The following TRPC4 variants were observed in gnomAD, a reference collection of about 807,000 sequenced individuals.
The protein encoded by TRPC4 is short transient receptor potential channel 4.
TRPC4 carries 49 observed loss-of-function variants against 99.4 expected under a neutral mutation model. The observed-to-expected ratio is 0.49, with a 90% CI of 0.39 to 0.63. The LOEUF is 0.63. Among genes scored for constraint, TRPC4 ranks in the 20% least tolerant of loss-of-function variants. TRPC4 has a pLI of 0.00. For missense variants in TRPC4, 898 were observed against 1,152.9 expected, an observed-to-expected ratio of 0.78 and a Z score of 3.20; for synonymous variants, 454 against 425.9, an observed-to-expected ratio of 1.07 and a Z score of -0.81.
At chr13:37,705,656 C>T (rs1421854082) in intron 3 of TRPC4, among the ~76,000 whole-genome samples, 2 of 151,716 alleles carry the variant, frequency 1.3e-5, no homozygotes, top group Non-Finnish European at 2.9e-5. Context: ...CTTTGAGTTC[C>T]TCTCCTTCTA....
chr13:37,701,836 C>T (rs527311221), intron 3 of TRPC4, among the ~76,000 whole-genome samples: 2 of 152,294 alleles, frequency 1.3e-5, no homozygotes, highest in Admixed American at 6.5e-5. Context: ...ATGTTTTATA[C>T]ATAAACTATA....
At chr13:37,811,170 A>G (rs1277590943) in intron 1 of TRPC4, among the ~76,000 whole-genome samples, 2 of 152,172 alleles carry the variant, frequency 1.3e-5, no homozygotes, top group Admixed American at 6.6e-5. Flanking sequence ...AGCTAATAAT[A>G]AAATCAAAAC....
intron 1 of TRPC4, among the ~76,000 whole-genome samples, chr13:37,802,092 CT>C (rs1957421410): frequency 6.6e-6 from 1 of 152,060 alleles, no homozygotes; most frequent in East Asian, 1.9e-4. Flanking sequence ...GTTTAAAATA[CT>C]TTCACTGTTT....
At chr13:37,701,835 A>T (rs1169896224) in intron 3 of TRPC4, among the ~76,000 whole-genome samples, 2 of 152,228 alleles carry the variant, frequency 1.3e-5, no homozygotes, top group African/African-American at 2.4e-5. Context: ...AATGTTTTAT[A>T]CATAAACTAT....
intron 3 of TRPC4, among the ~76,000 whole-genome samples, chr13:37,745,452 A>ATGCG (rs1363375768): frequency 3.6e-4 from 1 of 2,776 alleles, no homozygotes; most frequent in African/African-American, 5.8e-4. Context: ...ATATATATAT[A>ATGCG]TATATATATA....
At chr13:37,840,455 G>A (rs1958700706) in intron 1 of TRPC4, among the ~76,000 whole-genome samples, 1 of 151,942 alleles carries the variant, frequency 6.6e-6, no homozygotes, top group Non-Finnish European at 1.5e-5. Context: ...TTATATCAAT[G>A]TCCTGCCAGA....
At chr13:37,839,527 G>A (rs566618711) in intron 1 of TRPC4, among the ~76,000 whole-genome samples, 3 of 151,968 alleles carry the variant, frequency 2.0e-5, no homozygotes, top group South Asian at 2.1e-4. Flanking sequence ...TTAATAATTC[G>A]GTTTCAATAA....
intron 4 of TRPC4, among the ~76,000 whole-genome samples, chr13:37,685,436 TAAC>T (rs1281562867): frequency 6.6e-6 from 1 of 152,166 alleles, no homozygotes; most frequent in African/African-American, 2.4e-5. Flanking sequence ...AATGAGACAT[TAAC>T]ATCATTTATT....
At chr13:37,792,451 C>T (rs1200637190) in intron 1 of TRPC4, among the ~76,000 whole-genome samples, 5 of 152,082 alleles carry the variant, frequency 3.3e-5, no homozygotes, top group Non-Finnish European at 7.3e-5. Context: ...AATGTTATTA[C>T]TACATCAGAA....
intron 2 of TRPC4, among the ~76,000 whole-genome samples, chr13:37,758,371 T>C (rs548612697): frequency 4.4e-4 from 67 of 152,008 alleles, no homozygotes; most frequent in Non-Finnish European, 8.1e-4. Flanking sequence ...TGATATTGTA[T>C]GTGAAACAGA....
At chr13:37,638,982 C>G (rs966617008) in intron 10 of TRPC4, 58 bp downstream of exon 10, 4 of 1,550,664 alleles carry the variant, frequency 2.6e-6, no homozygotes, top group Non-Finnish European at 2.7e-6. Context: ...TAAATGTGCT[C>G]TATCTGGATC....
At chr13:37,750,254 CATTAAGA>C (rs1955897356) in intron 2 of TRPC4, among the ~76,000 whole-genome samples, 4 of 151,960 alleles carry the variant, frequency 2.6e-5, no homozygotes, top group African/African-American at 9.7e-5. Flanking sequence ...AGTCTGGGGC[CATTAAGA>C]ATATTGCTCT....
In TRPC4 at chr13:37,639,151, G is replaced by A. The variant is rs1012242074; in HGVS notation, c.2122-22C>T. On this transcript the variant is annotated intron_variant, in intron 9 of 10. Coordinates refer to ENST00000379705, the MANE Select transcript of TRPC4 (RefSeq NM_016179.4). Reference sequence around the variant, plus strand: ...CTTCCTGAGGCATTTTAGAACAAGAGTATTGATACTCAATGAGTAAATAAA... The same window carrying A: ...CTTCCTGAGGCATTTTAGAACAAGAATATTGATACTCAATGAGTAAATAAA... 3.1e-6 allele frequency: 5 copies of A among 1,613,252 alleles called. No homozygotes were observed. In the African/African-American group the frequency reaches 6.7e-5, roughly 22 times the overall value.
At chr13:37,768,588 C>T (rs1956456835) in intron 2 of TRPC4, among the ~76,000 whole-genome samples, 1 of 151,324 alleles carries the variant, frequency 6.6e-6, no homozygotes, top group Admixed American at 6.6e-5. Context: ...TAGCAATTTA[C>T]AAGTTCTGTA....
At chr13:37,814,985 G>A (rs1957806395) in intron 1 of TRPC4, among the ~76,000 whole-genome samples, 1 of 151,584 alleles carries the variant, frequency 6.6e-6, no homozygotes, top group Non-Finnish European at 1.5e-5. Flanking sequence ...TAGACATAAA[G>A]GTCAATAAAA....
chr13:37,848,493 A>G (rs959038353), intron 1 of TRPC4, among the ~76,000 whole-genome samples: 2 of 152,162 alleles, frequency 1.3e-5, no homozygotes, highest in African/African-American at 4.8e-5. Flanking sequence ...CTTCATTCAT[A>G]ATCATTTTTG....
intron 1 of TRPC4, among the ~76,000 whole-genome samples, chr13:37,852,663 G>C (rs1959088990): frequency 6.6e-6 from 1 of 152,292 alleles, no homozygotes; most frequent in African/African-American, 2.4e-5. Context: ...GCAGGCACTT[G>C]GGGTCCCTGA....
chr13:37,856,571 A>G (rs1349024113), intron 1 of TRPC4, among the ~76,000 whole-genome samples: 1 of 151,422 alleles, frequency 6.6e-6, no homozygotes, highest in Non-Finnish European at 1.5e-5. Flanking sequence ...ACAAAGACAC[A>G]TTAAAAAAAA....
intron 3 of TRPC4, among the ~76,000 whole-genome samples, chr13:37,712,136 T>C (rs991186667): frequency 1.3e-5 from 2 of 152,130 alleles, no homozygotes; most frequent in Non-Finnish European, 2.9e-5. Context: ...TGGATATCTT[T>C]AGAAATTTCA....
Sources: gnomAD v4.1 joint callset for allele counts (sites outside exome capture counted in the v4.1 genomes callset) on GRCh38, gnomAD v4.1.1 for gene constraint, MANE v1.5 for transcripts, NCBI Gene and HGNC (gene_info 2026-07-23, HGNC 2026-07-21) for gene names.